The following RBM33 variants were observed in gnomAD, a reference collection of about 807,000 sequenced individuals.
RBM33 encodes the protein RNA binding motif protein 33.
RBM33 carries 28 observed loss-of-function variants against 132.6 expected under a neutral mutation model. The observed-to-expected ratio is 0.21, with a 90% CI of 0.16 to 0.29. The LOEUF (loss-of-function observed/expected upper bound fraction) is 0.29. Among genes scored for constraint, RBM33 ranks in the 10% least tolerant of loss-of-function variants. RBM33 has a pLI of 1.00. For synonymous variants in RBM33, 634 were observed against 593.0 expected (o/e 1.07, Z -1.01); for missense variants, 1,291 against 1,518.5 (o/e 0.85, Z 2.49).
At chr7:155,770,403 A>G (rs1238743988) in intron 16 of RBM33, among the ~76,000 whole-genome samples, 1 of 152,190 alleles carries the variant, frequency 6.6e-6, no homozygotes, top group East Asian at 1.9e-4. Flanking sequence ...ACACCGTTCC[A>G]TACAGAAATG....
chr7:155,744,086 C>A (rs1291841752), intron 13 of RBM33, among the ~76,000 whole-genome samples: 1 of 152,226 alleles, frequency 6.6e-6, no homozygotes, highest in African/African-American at 2.4e-5. Context: ...CCAGCCGACT[C>A]CTCAGCTGTG....
intron 6 of RBM33, chr7:155,701,374 CTTTT>C (rs571839064): frequency 5.2e-6 from 1 of 191,870 alleles, no homozygotes; most frequent in South Asian, 1.6e-4. Flanking sequence ...ATAGCTATAT[CTTTT>C]TTTGTGTTTT....
chr7:155,752,548 T>G (rs181109113), intron 14 of RBM33, among the ~76,000 whole-genome samples: 29 of 149,400 alleles, frequency 1.9e-4, no homozygotes, highest in Admixed American at 1.9e-3. Context: ...TATTTGCAAA[T>G]TTTGTTGAGG....
At chr7:155,669,847 C>T (rs768545607) in intron 2 of RBM33, among the ~76,000 whole-genome samples, 4 of 152,106 alleles carry the variant, frequency 2.6e-5, no homozygotes, top group Non-Finnish European at 2.9e-5. Flanking sequence ...GGGGAGGGGC[C>T]GGTCTTTCTC....
intron 5 of RBM33, among the ~76,000 whole-genome samples, chr7:155,694,141 T>TA (rs932599162): frequency 1.2e-4 from 19 of 152,244 alleles, no homozygotes; most frequent in African/African-American, 4.6e-4. Context: ...ATTAGAATCT[T>TA]AATTATAGAA....
intron 9 of RBM33, among the ~76,000 whole-genome samples, chr7:155,728,607 T>A (rs1772612822): frequency 6.6e-6 from 1 of 152,222 alleles, no homozygotes; most frequent in Non-Finnish European, 1.5e-5. Context: ...TAATTTCTTT[T>A]ACTTATTAAA....
At chr7:155,673,799 C>CACAT (rs776438670) in intron 3 of RBM33, among the ~76,000 whole-genome samples, 5 of 149,228 alleles carry the variant, frequency 3.4e-5, no homozygotes, top group African/African-American at 1.3e-4. Flanking sequence ...CACACACACA[C>CACAT]ACCCCTACCA....
intron 12 of RBM33, among the ~76,000 whole-genome samples, chr7:155,741,362 G>A (rs1801329360): frequency 6.6e-6 from 1 of 152,162 alleles, no homozygotes; most frequent in African/African-American, 2.4e-5. Context: ...CGGGGGTCAT[G>A]TTTCTTAGGA....
intron 6 of RBM33, among the ~76,000 whole-genome samples, chr7:155,703,892 T>C (rs1188185423): frequency 6.6e-6 from 1 of 152,212 alleles, no homozygotes; most frequent in African/African-American, 2.4e-5. Context: ...GCCTACTCTG[T>C]AATGGGATTA....
chr7:155,767,999 G>A (rs949318743), intron 16 of RBM33, among the ~76,000 whole-genome samples: 10 of 152,266 alleles, frequency 6.6e-5, no homozygotes, highest in Non-Finnish European at 1.3e-4. Context: ...CTAGTCTGTT[G>A]TGAGCCACAG....
Position 155,742,246 on chromosome 7 carries a change from C to G in RBM33, c.2337+140C>G, listed in dbSNP as rs1161759600. 4.3e-6 allele frequency: 3 copies of G among 693,580 alleles called. No individual in the cohort carries two copies. In the East Asian group the frequency reaches 8.5e-5, roughly 20 times the overall value. 43.0% of individuals were successfully genotyped at this position (693,580 alleles called of 1,614,324 possible). ...ACCTGGGTCTTTTTTTTTTTTTAAC[C>G]TAACAGCCATGTTTATTAAAAAAAC... On this transcript the variant is annotated intron_variant, in intron 13 of 17. Transcript: ENST00000401878.
chr7:155,760,725 T>C (rs1802006872), intron 14 of RBM33, among the ~76,000 whole-genome samples: 1 of 152,204 alleles, frequency 6.6e-6, no homozygotes, highest in South Asian at 2.1e-4. Flanking sequence ...TGTATAAAAC[T>C]AGAGAGAATT....
intron 14 of RBM33, among the ~76,000 whole-genome samples, chr7:155,755,220 C>T (rs566292260): frequency 2.0e-5 from 3 of 152,278 alleles, no homozygotes; most frequent in African/African-American, 4.8e-5. Context: ...GCAACATTGG[C>T]GGTGACAGTG....
Position 155,727,203 on chromosome 7 carries a change from C to T in RBM33, c.1260+8760C>T, listed in dbSNP as rs141218728. 2.1e-3 allele frequency among the ~76,000 whole-genome samples: 327 copies of T among 152,242 alleles called. 2 individuals carry two copies. Among genetic ancestry groups the T allele is most frequent in the Admixed American group, 4.2e-3 (65 of 15,296 alleles). On this transcript the variant is annotated intron_variant, in intron 9 of 17. Coordinates refer to ENST00000401878, the MANE Select transcript of RBM33 (RefSeq NM_053043.3). ...CTAATGCATTTGTCTGTATTCCAGG[C>T]CGAAAGGAGGAGGGGCAAGGGCAGA...
At chr7:155,762,057 C>T (rs763714815) in intron 14 of RBM33, among the ~76,000 whole-genome samples, 4 of 152,228 alleles carry the variant, frequency 2.6e-5, no homozygotes, top group Admixed American at 1.3e-4. Flanking sequence ...GGCCAGCCAG[C>T]GCCTGGGATG....
At chr7:155,772,268 A>AG (rs1802453969) in intron 16 of RBM33, among the ~76,000 whole-genome samples, 1 of 152,122 alleles carries the variant, frequency 6.6e-6, no homozygotes. Context: ...AACCTAGGTT[A>AG]GGGTTAGGGT....
At chr7:155,661,081 T>A (rs2116883496) in intron 1 of RBM33, among the ~76,000 whole-genome samples, 2 of 147,970 alleles carry the variant, frequency 1.4e-5, no homozygotes, top group South Asian at 4.2e-4. Context: ...TAAAAATAAT[T>A]TCTGTGTGTG....
At chr7:155,750,611 C>T (rs1801659507) in intron 14 of RBM33, among the ~76,000 whole-genome samples, 1 of 152,174 alleles carries the variant, frequency 6.6e-6, no homozygotes, top group Non-Finnish European at 1.5e-5. Context: ...CAACTCTCCT[C>T]CCAGGATCCT....
intron 14 of RBM33, among the ~76,000 whole-genome samples, chr7:155,762,293 C>T (rs1227746245): frequency 3.3e-5 from 5 of 152,340 alleles, no homozygotes; most frequent in Admixed American, 2.0e-4. Flanking sequence ...CTTCCCTGTG[C>T]CTTTCCCTCT....
Sources: allele counts gnomAD v4.1 joint callset (sites outside exome capture counted in the v4.1 genomes callset), GRCh38; gene constraint gnomAD v4.1.1; transcripts MANE v1.5; gene names NCBI Gene and HGNC (gene_info 2026-07-23, HGNC 2026-07-21).